The following PLXDC2 variants were observed in gnomAD, a reference collection of about 807,000 sequenced individuals.
PLXDC2 encodes plexin domain containing 2.
A neutral mutation model predicts 68.9 loss-of-function variants in PLXDC2; 40 were observed. The ratio of observed to expected loss-of-function variants is 0.58; its 90% CI spans 0.45 to 0.76. PLXDC2 has a LOEUF of 0.76. Among genes scored for constraint, PLXDC2 ranks in the 30% least tolerant of loss-of-function variants. The probability of loss-of-function intolerance (pLI) is 0.00; values close to 1 mark genes in which losing one functional copy is unlikely to be tolerated. For synonymous variants in PLXDC2, 243 were observed against 234.2 expected, an observed-to-expected ratio of 1.04 and a Z score of -0.34; for missense variants, 644 against 661.9, an observed-to-expected ratio of 0.97 and a Z score of 0.30.
chr10:19,928,499 A>T (rs1833576310), intron 1 of PLXDC2, among the ~76,000 whole-genome samples: 1 of 152,206 alleles, frequency 6.6e-6, no homozygotes, highest in Admixed American at 6.5e-5. Flanking sequence ...TTATTGCAAA[A>T]TTTGGAAAAA....
chr10:20,209,204 AC>A (rs1835034440), intron 9 of PLXDC2, among the ~76,000 whole-genome samples: 1 of 152,152 alleles, frequency 6.6e-6, no homozygotes, highest in African/African-American at 2.4e-5. Context: ...TGGGAGTGCT[AC>A]GGGAGACTGG....
intron 2 of PLXDC2, among the ~76,000 whole-genome samples, chr10:20,028,637 G>A (rs753747261): frequency 1.2e-4 from 18 of 152,098 alleles, no homozygotes; most frequent in Non-Finnish European, 2.4e-4. Flanking sequence ...CTTCAGGGTC[G>A]TTTCTGAGTG....
intron 3 of PLXDC2, among the ~76,000 whole-genome samples, chr10:20,067,100 G>T (rs996213534): frequency 2.6e-5 from 4 of 151,954 alleles, no homozygotes; most frequent in Non-Finnish European, 5.9e-5. Flanking sequence ...ATATAAAAAA[G>T]ATTAGGATTT....
intron 12 of PLXDC2, among the ~76,000 whole-genome samples, chr10:20,244,788 T>G (rs548434259): frequency 6.6e-6 from 1 of 152,290 alleles, no homozygotes; most frequent in African/African-American, 2.4e-5. Flanking sequence ...ACTTTGAGAA[T>G]AAAAGCTATT....
chr10:20,148,279 A>G (rs1455560613), intron 6 of PLXDC2, among the ~76,000 whole-genome samples: 1 of 145,446 alleles, frequency 6.9e-6, no homozygotes, highest in East Asian at 2.0e-4. Context: ...TTTTTTTTTC[A>G]CCTGGTTGAT....
At chr10:19,989,326 A>G (rs1389193791) in intron 1 of PLXDC2, among the ~76,000 whole-genome samples, 1 of 152,310 alleles carries the variant, frequency 6.6e-6, no homozygotes, top group East Asian at 1.9e-4. Context: ...TACAGATTCT[A>G]CTCATAAATT....
Position 20,283,485 on chromosome 10 carries a change from A to G in PLXDC2, c.*3666A>G, listed in dbSNP as rs1300582646. On this transcript the variant is annotated 3_prime_UTR_variant, in exon 14 of 14. Coordinates refer to ENST00000377252, the MANE Select transcript of PLXDC2 (RefSeq NM_032812.9). Reference sequence around the variant, plus strand: ...AGTTCATCAGTGCAAAAAGCGTTCAAAGGTAATCAGTTCATCACGTATCTT... The same window carrying G: ...AGTTCATCAGTGCAAAAAGCGTTCAGAGGTAATCAGTTCATCACGTATCTT... 1 of 152,224 alleles carries G rather than the reference A, an allele frequency of 6.6e-6. No individual in the cohort carries two copies. Among genetic ancestry groups the G allele is most frequent in the Non-Finnish European group, 1.5e-5 (1 of 68,042 alleles). 9.4% of individuals were successfully genotyped at this position (152,224 alleles called of 1,614,324 possible). A position where few individuals can be genotyped will look rare whatever the true frequency, so the allele number is the denominator to read the frequency against.
intron 2 of PLXDC2, among the ~76,000 whole-genome samples, chr10:20,015,253 C>A (rs988356104): frequency 6.6e-6 from 1 of 152,096 alleles, no homozygotes; most frequent in African/African-American, 2.4e-5. Flanking sequence ...GCCAGCAGTG[C>A]TTTTAAAAAT....
At chr10:20,198,397 A>G (rs1287863470) in intron 9 of PLXDC2, among the ~76,000 whole-genome samples, 5 of 152,174 alleles carry the variant, frequency 3.3e-5, no homozygotes, top group African/African-American at 1.2e-4. Flanking sequence ...CGACTCTTCT[A>G]TGACTATAGA....
At chr10:20,007,887 T>C (rs1835051841) in intron 2 of PLXDC2, among the ~76,000 whole-genome samples, 1 of 152,234 alleles carries the variant, frequency 6.6e-6, no homozygotes, top group Admixed American at 6.5e-5. Flanking sequence ...CTCATTCTGG[T>C]ACCTAATTAA....
At chr10:20,222,638 T>G (rs1835227948) in intron 12 of PLXDC2, among the ~76,000 whole-genome samples, 1 of 152,072 alleles carries the variant, frequency 6.6e-6, no homozygotes, top group South Asian at 2.1e-4. Flanking sequence ...TCAGGTCTCT[T>G]TAGTAAGATA....
chr10:20,080,430 G>A (rs1277934948), intron 4 of PLXDC2, among the ~76,000 whole-genome samples: 2 of 152,174 alleles, frequency 1.3e-5, no homozygotes, highest in East Asian at 1.9e-4. Flanking sequence ...GAAGCCAACA[G>A]TGTAGTCTTC....
At chr10:19,887,505 G>A (rs1163376731) in intron 1 of PLXDC2, among the ~76,000 whole-genome samples, 1 of 152,104 alleles carries the variant, frequency 6.6e-6, no homozygotes, top group Non-Finnish European at 1.5e-5. Flanking sequence ...CTGGGCGACA[G>A]AGTGAGACTT....
intron 1 of PLXDC2, among the ~76,000 whole-genome samples, chr10:19,939,938 G>C (rs1401973139): frequency 6.6e-6 from 1 of 151,864 alleles, no homozygotes; most frequent in Non-Finnish European, 1.5e-5. Flanking sequence ...TATATTTGGA[G>C]TTGAGATGTC....
At chr10:20,026,765 A>C (rs1200503390) in intron 2 of PLXDC2, among the ~76,000 whole-genome samples, 1 of 150,464 alleles carries the variant, frequency 6.6e-6, no homozygotes, top group Admixed American at 6.7e-5. Context: ...ACTAAGTCTT[A>C]TGTATAATTA....
chr10:20,004,901 G>A (rs960161128), intron 2 of PLXDC2, among the ~76,000 whole-genome samples: 1 of 152,140 alleles, frequency 6.6e-6, no homozygotes, highest in Non-Finnish European at 1.5e-5. Flanking sequence ...ATGGCCCAGG[G>A]GACTGTTTGG....
chr10:19,828,474 T>C (rs78642896), intron 1 of PLXDC2, among the ~76,000 whole-genome samples: 3,721 of 152,348 alleles, frequency 0.024, 82 homozygotes, highest in Middle Eastern at 0.044. Context: ...TGGCTACGGC[T>C]CTGAAGTCAG....
intron 4 of PLXDC2, among the ~76,000 whole-genome samples, chr10:20,120,314 G>A (rs1833678993): frequency 6.6e-6 from 1 of 152,204 alleles, no homozygotes; most frequent in Admixed American, 6.5e-5. Flanking sequence ...AAGGGAAAGT[G>A]ATAAAAGTAT....
intron 1 of PLXDC2, among the ~76,000 whole-genome samples, chr10:19,902,294 C>T (rs1027667860): frequency 1.3e-5 from 2 of 152,042 alleles, no homozygotes; most frequent in African/African-American, 2.4e-5. Context: ...TGTTTCTAAC[C>T]ATCCATGAGC....
Sources: gnomAD v4.1 joint callset for allele counts (sites outside exome capture counted in the v4.1 genomes callset) on GRCh38, gnomAD v4.1.1 for gene constraint, MANE v1.5 for transcripts, NCBI Gene and HGNC (gene_info 2026-07-23, HGNC 2026-07-21) for gene names.